The following STAU2 variants were observed in gnomAD, a reference collection of about 807,000 sequenced individuals.
The protein encoded by STAU2 is staufen double-stranded RNA binding protein 2, also known as double-stranded RNA-binding protein Staufen homolog 2.
In STAU2, 20 loss-of-function variants were observed where a neutral mutation model predicts 65.9. That is an observed-to-expected ratio of 0.30 (90% CI 0.21 to 0.44). STAU2 has a LOEUF of 0.44. Among genes scored for constraint, STAU2 ranks in the 20% least tolerant of loss-of-function variants. The pLI is 1.00. For missense variants in STAU2, 558 were observed against 683.9 expected, an observed-to-expected ratio of 0.82 and a Z score of 2.05; for synonymous variants, 232 against 233.9, an observed-to-expected ratio of 0.99 and a Z score of 0.07.
chr8:73,560,271 G>A (rs1043032175), intron 12 of STAU2, among the ~76,000 whole-genome samples: 2 of 151,774 alleles, frequency 1.3e-5, no homozygotes, highest in Admixed American at 6.6e-5. Flanking sequence ...TAGTAGAGAC[G>A]GGGTTTCACC....
intron 13 of STAU2, among the ~76,000 whole-genome samples, chr8:73,466,370 G>C (rs1450428931): frequency 1.3e-5 from 2 of 152,156 alleles, no homozygotes; most frequent in South Asian, 4.1e-4. Flanking sequence ...TCCTCTAGAG[G>C]AGAGGTGAAA....
intron 4 of STAU2, among the ~76,000 whole-genome samples, chr8:73,704,725 G>C (rs149747468): frequency 0.013 from 1,914 of 152,264 alleles, 46 homozygotes; most frequent in African/African-American, 0.043. Context: ...CTGGAGTGCA[G>C]TGGCGCGATC....
At chr8:73,688,160 T>C (rs1443234597) in intron 5 of STAU2, among the ~76,000 whole-genome samples, 1 of 151,904 alleles carries the variant, frequency 6.6e-6, no homozygotes, top group East Asian at 1.9e-4. Flanking sequence ...AATTACTTTC[T>C]TCATCCTCTC....
intron 13 of STAU2, among the ~76,000 whole-genome samples, chr8:73,489,801 T>C (rs28362072): frequency 1.7e-4 from 26 of 152,186 alleles, no homozygotes; most frequent in African/African-American, 6.3e-4. Flanking sequence ...CTGAGAGTTT[T>C]ATAGACTCAG....
intron 3 of STAU2, among the ~76,000 whole-genome samples, chr8:73,724,229 A>AT (rs1186475004): frequency 2.0e-5 from 3 of 152,106 alleles, no homozygotes; most frequent in African/African-American, 7.2e-5. Flanking sequence ...TTGTTTCTAC[A>AT]TATTTTGTTT....
intron 13 of STAU2, among the ~76,000 whole-genome samples, chr8:73,429,461 C>A (rs376963262): frequency 2.1e-5 from 2 of 96,898 alleles, no homozygotes; most frequent in East Asian, 7.4e-4. Flanking sequence ...GAGGCAAAGT[C>A]TCACTCTGTT....
At chr8:73,649,869 T>TTATA (rs55814743) in intron 6 of STAU2, among the ~76,000 whole-genome samples, 4,427 of 70,812 alleles carry the variant, frequency 0.063, 177 homozygotes, top group African/African-American at 0.085. Flanking sequence ...CTATATAATT[T>TTATA]TATATATATA....
chr8:73,699,848 C>T (rs1819956866), intron 4 of STAU2, among the ~76,000 whole-genome samples: 1 of 142,972 alleles, frequency 7.0e-6, no homozygotes, highest in Non-Finnish European at 1.5e-5. Context: ...ATACCAAAAA[C>T]CAAACACACA....
chr8:73,476,243 T>G (rs1672133234), intron 13 of STAU2, among the ~76,000 whole-genome samples: 1 of 152,134 alleles, frequency 6.6e-6, no homozygotes, highest in Admixed American at 6.6e-5. Context: ...CTGAGGACAT[T>G]TAGCTGAGAT....
chr8:73,734,333 T>G (rs1041240056), intron 3 of STAU2, among the ~76,000 whole-genome samples: 3 of 150,544 alleles, frequency 2.0e-5, no homozygotes, highest in Non-Finnish European at 4.4e-5. Context: ...ACAACAACTA[T>G]GATCACAATT....
At chr8:73,453,590 A>T (rs1420120003) in intron 13 of STAU2, among the ~76,000 whole-genome samples, 2 of 152,236 alleles carry the variant, frequency 1.3e-5, no homozygotes, top group African/African-American at 4.8e-5. Flanking sequence ...AAACTGGTGA[A>T]AATTGGCACG....
At chr8:73,694,300 T>C (rs1819553380) in intron 4 of STAU2, among the ~76,000 whole-genome samples, 1 of 152,144 alleles carries the variant, frequency 6.6e-6, no homozygotes, top group Admixed American at 6.5e-5. Context: ...ACCAAGAATA[T>C]AGTACAGTTG....
At chr8:73,725,455 C>A (rs906711352) in intron 3 of STAU2, among the ~76,000 whole-genome samples, 1 of 152,206 alleles carries the variant, frequency 6.6e-6, no homozygotes, top group Admixed American at 6.5e-5. Context: ...TATGTATAAG[C>A]CCTCAAGGCA....
intron 5 of STAU2, among the ~76,000 whole-genome samples, chr8:73,680,108 T>C (rs1818316258): frequency 9.0e-6 from 1 of 110,590 alleles, no homozygotes; most frequent in Non-Finnish European, 1.7e-5. Context: ...TTTGACTGAA[T>C]GCAAATTTTC....
intron 12 of STAU2, among the ~76,000 whole-genome samples, chr8:73,557,497 G>A (rs1807878021): frequency 1.3e-5 from 2 of 152,086 alleles, no homozygotes; most frequent in Admixed American, 1.3e-4. Context: ...CATATTTAAG[G>A]ACCTTATTTT....
At chr8:73,716,133 G>T (rs1484086156) in intron 3 of STAU2, among the ~76,000 whole-genome samples, 2 of 149,302 alleles carry the variant, frequency 1.3e-5, no homozygotes, top group Admixed American at 6.7e-5. Context: ...CTGTCACCCA[G>T]GCTGGAGTGC....
intron 9 of STAU2, among the ~76,000 whole-genome samples, chr8:73,612,186 G>T (rs2129823861): frequency 6.6e-6 from 1 of 152,166 alleles, no homozygotes; most frequent in East Asian, 1.9e-4. Context: ...ATGTGAATAG[G>T]TAGTATTAGA....
intron 5 of STAU2, 53 bp from the exon 6 acceptor site, chr8:73,673,295 A>C: frequency 6.9e-7 from 1 of 1,459,392 alleles, no homozygotes; most frequent in South Asian, 1.5e-5. Flanking sequence ...TTCACAATTA[A>C]ACATGCAAGC....
At chr8:73,575,442 A>G (rs548514107) in intron 12 of STAU2, among the ~76,000 whole-genome samples, 26 of 152,294 alleles carry the variant, frequency 1.7e-4, no homozygotes, top group Admixed American at 7.8e-4. Context: ...ATCCATCAAA[A>G]TTAAAAGGAT....
Sources: gnomAD v4.1 joint callset for allele counts (sites outside exome capture counted in the v4.1 genomes callset) on GRCh38, gnomAD v4.1.1 for gene constraint, MANE v1.5 for transcripts, NCBI Gene and HGNC (gene_info 2026-07-23, HGNC 2026-07-21) for gene names.